Variants in CSAD observed in about 807,000 individuals in gnomAD.
CSAD encodes the protein cysteine sulfinic acid decarboxylase.
In CSAD, 47 loss-of-function variants were observed where a neutral mutation model predicts 61.5. The observed-to-expected ratio is 0.76, with a 90% confidence interval of 0.60 to 0.97. The LOEUF (loss-of-function observed/expected upper bound fraction) is 0.97, where lower values mean the gene tolerates loss of function less well. Among genes scored for constraint, CSAD ranks in the 50% least tolerant of loss-of-function variants. The probability of loss-of-function intolerance (pLI) is 0.00; values close to 1 mark genes in which losing one functional copy is unlikely to be tolerated. For missense variants in CSAD, 611 were observed against 643.6 expected (o/e 0.95, Z 0.55); for synonymous variants, 245 against 252.7 (o/e 0.97, Z 0.29).
Position 53,171,943 on chromosome 12 carries a change from C to G in CSAD, c.390G>C (p.Glu130Asp). ...CCAGGGCCCGCAGTTTCCTCAGCAC[C>G]TCCTCTTCCATGAGCACAAACACGG... Reference protein sequence around the residue: ...IAPVFVLMEEEVLRKLRALVG... With the variant: ...IAPVFVLMEEDVLRKLRALVG... The change falls in exon 7 of 17, where the codon GAG becomes GAC. Residue 130 changes from glutamate (E) to aspartate (D), a missense_variant. Glu to Asp is a conservative substitution (Grantham distance 45). Coordinates refer to ENST00000444623, the MANE Select transcript of CSAD (RefSeq NM_001244705.2). 6.2e-7 allele frequency: 1 copy of G among 1,614,014 alleles called. No individual in the cohort carries two copies. The highest frequency in any genetic ancestry group is 8.5e-7 in the Non-Finnish European group (1 of 1,179,992).
chr12:53,167,293 T>G (rs1344500246), intron 10 of CSAD, among the ~76,000 whole-genome samples: 3 of 152,180 alleles, frequency 2.0e-5, no homozygotes. Flanking sequence ...AAATATCCCG[T>G]GGCCTCTGCA....
At chr12:53,163,711 T>C (rs917251581) in intron 10 of CSAD, among the ~76,000 whole-genome samples, 8 of 152,216 alleles carry the variant, frequency 5.3e-5, no homozygotes, top group African/African-American at 1.9e-4. Context: ...ATGAACACAA[T>C]TCCTATCAAA....
chr12:53,170,327 C>G, intron 9 of CSAD, 96 bp downstream of exon 9: 2 of 1,156,872 alleles, frequency 1.7e-6, no homozygotes, highest in Non-Finnish European at 2.6e-6. Flanking sequence ...GAGAGAGGTC[C>G]ACCAGCGGTA....
Position 53,158,624 on chromosome 12 carries a change from G to A in CSAD, c.1369C>T (p.Pro457Ser). The A allele has an allele frequency of 6.2e-7, 1 of 1,614,186 alleles. No individual in the cohort carries two copies. Among genetic ancestry groups the A allele is most frequent in the Non-Finnish European group, 8.5e-7 (1 of 1,180,034 alleles). Reference protein sequence around the residue: ...KEGSMMIGYQPHGTRGNFFRV... With the variant: ...KEGSMMIGYQSHGTRGNFFRV... ...AAGAAGTTGCCCCGGGTCCCGTGGG[G>A]CTGGTAGCCAATCATCATGGAGCCC... Residue 457 changes from proline (P) to serine (S), a missense_variant, in exon 17 of 17, where the codon CCC becomes TCC. Physicochemically the swap from Pro to Ser is moderately conservative, Grantham distance 74 (BLOSUM62 -1). Coordinates refer to ENST00000444623, the MANE Select transcript of CSAD (RefSeq NM_001244705.2).
chr12:53,165,337 TC>T (rs1377310908), intron 10 of CSAD, among the ~76,000 whole-genome samples: 1 of 147,540 alleles, frequency 6.8e-6, no homozygotes, highest in African/African-American at 2.5e-5. Context: ...CAAGACCCTC[TC>T]TCAAAAAAAA....
intron 8 of CSAD, chr12:53,171,075 C>T (rs1940519928): frequency 3.1e-6 from 2 of 651,130 alleles, no homozygotes; most frequent in Admixed American, 2.1e-5. Context: ...GGTCCACAGA[C>T]CACACTCTTG....
Position 53,159,886 on chromosome 12 carries a change from C to T in CSAD, c.1218+1G>A. Reference sequence around the variant, plus strand: ...GGCCACAAAATAGAAAGGGGTCCTACCTCCATGACTAGCTCAAACCCTTCC... The same window carrying T: ...GGCCACAAAATAGAAAGGGGTCCTATCTCCATGACTAGCTCAAACCCTTCC... On this transcript the variant is annotated splice_donor_variant, in intron 15 of 16. Coordinates refer to ENST00000444623, the MANE Select transcript of CSAD (RefSeq NM_001244705.2). LOFTEE classifies it high-confidence loss of function. The T allele has an allele frequency of 1.9e-6, 3 of 1,594,334 alleles. No individual in the cohort carries two copies. The highest frequency in any genetic ancestry group is 2.6e-6 in the Non-Finnish European group (3 of 1,168,916).
At chr12:53,171,601 G>A (rs770114875) in intron 7 of CSAD, 160 bp from the exon 8 acceptor site, 7 of 702,964 alleles carry the variant, frequency 1.0e-5, no homozygotes, top group Non-Finnish European at 1.6e-5. Context: ...ATGGATCCAG[G>A]ATCAGCAGAT....
chr12:53,166,863 A>G (rs1382418257), intron 10 of CSAD, among the ~76,000 whole-genome samples: 2 of 152,170 alleles, frequency 1.3e-5, no homozygotes, highest in Non-Finnish European at 2.9e-5. Flanking sequence ...TTGCAAAACA[A>G]TGTGAATGTA....
intron 16 of CSAD, among the ~76,000 whole-genome samples, chr12:53,159,276 T>C (rs964518411): frequency 5.3e-5 from 8 of 152,170 alleles, no homozygotes; most frequent in African/African-American, 1.9e-4. Context: ...CTAGACTGGC[T>C]TTCTCGGGTT....
chr12:53,171,648 C>T lies in CSAD; in HGVS notation c.452-207G>A, dbSNP rs1042163766. ...CACCTCTCCACATCTGGGGCTGCCC[C>T]CAAGAGACAGCCCCCGTCCGGAGAT... On this transcript the variant is annotated intron_variant, in intron 7 of 16. Coordinates refer to ENST00000444623, the MANE Select transcript of CSAD (RefSeq NM_001244705.2). 3.7e-5 allele frequency: 23 copies of T among 627,474 alleles called. No homozygotes were observed. In the Admixed American group the frequency reaches 5.9e-4, roughly 16 times the overall value. 38.9% of individuals were successfully genotyped at this position (627,474 alleles called of 1,614,324 possible).
chr12:53,179,527 A>T, intron 1 of CSAD: 1 of 491,206 alleles, frequency 2.0e-6, no homozygotes, highest in South Asian at 3.0e-5. Context: ...TTCAAAAAAG[A>T]TTTAAAAGAC....
At position 53,171,399 on chromosome 12, in the gene CSAD, T is replaced by G. The variant is rs371744750; in HGVS notation, c.494A>C (p.Tyr165Ser). 2 of 1,613,990 alleles carry G rather than the reference T, an allele frequency of 1.2e-6. No individual in the cohort carries two copies. The highest frequency in any genetic ancestry group is 4.5e-5 in the East Asian group (2 of 44,882). Reference protein sequence around the residue: ...SNMYAVNLARYQRYPDCKQRG... With the variant: ...SNMYAVNLARSQRYPDCKQRG... ...CTGCTTGCAATCCGGGTAGCGCTGA[T>G]AGCGGGCCAGATTTACAGCATACAT... Residue 165 changes from tyrosine to serine, a missense_variant, in exon 8 of 17, where the codon TAT becomes TCT. Transcript: ENST00000444623.
chr12:53,179,568 C>G (rs1941394348), intron 1 of CSAD: 3 of 518,900 alleles, frequency 5.8e-6, no homozygotes, highest in Non-Finnish European at 1.0e-5. Flanking sequence ...TTATCTCTCT[C>G]TTTCTCCATT....
intron 2 of CSAD, among the ~76,000 whole-genome samples, chr12:53,176,815 T>C (rs1941143867): frequency 6.6e-6 from 1 of 152,152 alleles, no homozygotes; most frequent in East Asian, 1.9e-4. Flanking sequence ...TTACTGCAGC[T>C]TCGAACTCTT....
chr12:53,163,919 T>A (rs1407049111), intron 10 of CSAD, among the ~76,000 whole-genome samples: 1 of 152,178 alleles, frequency 6.6e-6, no homozygotes, highest in Admixed American at 6.5e-5. Context: ...TGTAGATCAG[T>A]GGAACAGAAC....
chr12:53,180,880 GGCAGC>G lies in CSAD; in HGVS notation c.-244_-240del. 1 of 1,203,502 alleles carries G rather than the reference GGCAGC, an allele frequency of 8.3e-7. No individual in the cohort carries two copies. The highest frequency in any genetic ancestry group is 1.1e-6 in the Non-Finnish European group (1 of 944,080). 74.6% of individuals were successfully genotyped at this position (1,203,502 alleles called of 1,614,324 possible). A position where few individuals can be genotyped will look rare whatever the true frequency, so the allele number is the denominator to read the frequency against. ...AGACCGCAGCGTCGTCCGTACAGAC[GGCAGC>G]GCTTCAGTAGCTCGCAAGCCGTGGG... On this transcript the variant is annotated 5_prime_UTR_variant, in exon 1 of 17. Coordinates refer to ENST00000444623, the MANE Select transcript of CSAD (RefSeq NM_001244705.2).
chr12:53,163,806 A>G (rs1939580928), intron 10 of CSAD, among the ~76,000 whole-genome samples: 1 of 152,226 alleles, frequency 6.6e-6, no homozygotes, highest in African/African-American at 2.4e-5. Flanking sequence ...GCGAAAAACA[A>G]TCTTGAAGAA....
In CSAD at chr12:53,161,316, A is replaced by G. The variant is rs1163310916; in HGVS notation, c.776T>C (p.Ile259Thr). The stretch of plus-strand genomic sequence containing the variant: ...CCCATGACGCTGGCACACATCAGCA[A>G]TTGCCTCCAGGGGGTCAAAGGCCCC... ...VLGAFDPLEA[I>T]ADVCQRHGLW... The change falls in exon 11 of 17, where the codon ATT becomes ACT. Residue 259 changes from isoleucine (I) to threonine (T), a missense_variant. Coordinates refer to ENST00000444623, the MANE Select transcript of CSAD (RefSeq NM_001244705.2). 2 of 1,614,126 alleles carry G rather than the reference A, an allele frequency of 1.2e-6. No individual in the cohort carries two copies. Among genetic ancestry groups the G allele is most frequent in the South Asian group, 1.1e-5 (1 of 91,080 alleles).
Sources: allele counts gnomAD v4.1 joint callset (sites outside exome capture counted in the v4.1 genomes callset), GRCh38; gene constraint gnomAD v4.1.1; transcripts MANE v1.5; gene names NCBI Gene and HGNC (gene_info 2026-07-23, HGNC 2026-07-21).